WDR70: variants seen among roughly 807,000 people sequenced by gnomAD.
The protein encoded by WDR70 is WD repeat domain 70.
A neutral mutation model predicts 88.6 loss-of-function variants in WDR70; 53 were observed. The observed-to-expected ratio is 0.60, with a 90% CI of 0.48 to 0.75. WDR70 has a LOEUF of 0.75. Among genes scored for constraint, WDR70 ranks in the 30% least tolerant of loss-of-function variants. WDR70 has a pLI of 0.00. For synonymous variants in WDR70, 280 were observed against 270.0 expected (o/e 1.04, Z -0.36); for missense variants, 610 against 823.2 (o/e 0.74, Z 3.17).
At chr5:37,417,044 T>C (rs539628677) in intron 5 of WDR70, among the ~76,000 whole-genome samples, 10 of 137,748 alleles carry the variant, frequency 7.3e-5, no homozygotes, top group African/African-American at 2.7e-4. Flanking sequence ...TTTATTTTGC[T>C]CAACAAATAT....
intron 9 of WDR70, among the ~76,000 whole-genome samples, chr5:37,528,167 G>C (rs562843913): frequency 2.0e-5 from 3 of 152,152 alleles, no homozygotes; most frequent in Non-Finnish European, 4.4e-5. Flanking sequence ...CTGCTGTAAA[G>C]ACACATGCAC....
chr5:37,548,862 G>A (rs540798449), intron 9 of WDR70, among the ~76,000 whole-genome samples: 1 of 152,264 alleles, frequency 6.6e-6, no homozygotes, highest in African/African-American at 2.4e-5. Context: ...TCTGCATATG[G>A]ATATCCAGTT....
At chr5:37,506,254 G>A (rs1581346360) in intron 8 of WDR70, 5 of 929,492 alleles carry the variant, frequency 5.4e-6, no homozygotes, top group Middle Eastern at 3.2e-4. Context: ...AATTCCTTTC[G>A]AGATATTGGT....
At chr5:37,432,448 G>A (rs1038692378) in intron 5 of WDR70, among the ~76,000 whole-genome samples, 4 of 152,200 alleles carry the variant, frequency 2.6e-5, no homozygotes, top group Non-Finnish European at 5.9e-5. Flanking sequence ...GAGTGCAGTG[G>A]CGTGATCTCG....
intron 10 of WDR70, among the ~76,000 whole-genome samples, chr5:37,610,317 G>GT (rs934779845): frequency 1.3e-5 from 2 of 149,666 alleles, no homozygotes; most frequent in Non-Finnish European, 3.0e-5. Context: ...TTTGAAGCTT[G>GT]TTTTTTTAAT....
chr5:37,463,186 T>C (rs1276808408), intron 7 of WDR70, among the ~76,000 whole-genome samples: 1 of 151,944 alleles, frequency 6.6e-6, no homozygotes, highest in Non-Finnish European at 1.5e-5. Context: ...GCAGGAGAAT[T>C]GCTGGAACCC....
intron 7 of WDR70, among the ~76,000 whole-genome samples, chr5:37,466,199 T>C (rs1302909022): frequency 3.9e-5 from 6 of 152,230 alleles, no homozygotes; most frequent in Non-Finnish European, 8.8e-5. Context: ...TATTATCCAA[T>C]GGACTTTTAT....
At chr5:37,599,710 G>A (rs1473419102) in intron 9 of WDR70, among the ~76,000 whole-genome samples, 1 of 152,014 alleles carries the variant, frequency 6.6e-6, no homozygotes, top group Non-Finnish European at 1.5e-5. Context: ...TGGCCAGCAT[G>A]GCAAAACCCC....
intron 17 of WDR70, among the ~76,000 whole-genome samples, chr5:37,742,089 G>A (rs1404447921): frequency 5.3e-5 from 8 of 152,042 alleles, no homozygotes. Context: ...TTTCAGTTTT[G>A]GAGGGTATAT....
chr5:37,610,803 A>G (rs1744170967), intron 10 of WDR70, among the ~76,000 whole-genome samples: 1 of 152,204 alleles, frequency 6.6e-6, no homozygotes, highest in Non-Finnish European at 1.5e-5. Flanking sequence ...TGAAAGGTGC[A>G]CAGTTTGGAT....
chr5:37,648,026 A>G (rs990293567), intron 10 of WDR70, among the ~76,000 whole-genome samples: 5 of 152,210 alleles, frequency 3.3e-5, no homozygotes, highest in African/African-American at 7.2e-5. Flanking sequence ...CTTGGGGATT[A>G]CAATTTGAGA....
At chr5:37,561,539 A>G (rs1225771135) in intron 9 of WDR70, among the ~76,000 whole-genome samples, 1 of 152,236 alleles carries the variant, frequency 6.6e-6, no homozygotes, top group East Asian at 1.9e-4. Context: ...AAATGGAGTG[A>G]TAGTTCTCTA....
chr5:37,379,544 C>T lies in WDR70; in HGVS notation c.81C>T (p.Phe27=). ...PDPQLAVTMG[F]TGFGKKARTF... is the part of the protein sequence containing the mutation. The stretch of plus-strand genomic sequence containing the variant: ...CGCAGCTTGCGGTCACCATGGGCTT[C>T]ACGGGGTTCGGTGAGTGACTGCCCC... Residue 27 remains phenylalanine, a synonymous_variant, in exon 2 of 18, where the codon TTC becomes TTT. Transcript: ENST00000265107. The T allele has an allele frequency of 1.2e-6, 2 of 1,613,974 alleles. No homozygotes were observed. The highest frequency in any genetic ancestry group is 1.7e-6 in the Non-Finnish European group (2 of 1,179,876).
chr5:37,447,084 C>T (rs1467874336), intron 7 of WDR70, among the ~76,000 whole-genome samples: 1 of 152,062 alleles, frequency 6.6e-6, no homozygotes. Flanking sequence ...GAACTCTTAA[C>T]AAATTTACAA....
chr5:37,381,611 C>T lies in WDR70; in HGVS notation c.101C>T (p.Ala34Val), dbSNP rs777088441. 1.2e-6 allele frequency: 2 copies of T among 1,610,804 alleles called. No homozygotes were observed. Among genetic ancestry groups the T allele is most frequent in the Non-Finnish European group, 1.7e-6 (2 of 1,177,692 alleles). Reference protein sequence around the residue: ...TMGFTGFGKKARTFDLEAMFE... With the variant: ...TMGFTGFGKKVRTFDLEAMFE... ...TTTGTTCATGTTTTAGGTAAAAAAG[C>T]TCGCACATTTGACTTGGAAGCAATG... Residue 34 changes from alanine to valine, a missense_variant, in exon 3 of 18, where the codon GCT becomes GTT. Physicochemically the swap from Ala to Val is moderately conservative, Grantham distance 64 (BLOSUM62 0). Transcript: ENST00000265107.
chr5:37,414,797 T>C (rs1358831350), intron 5 of WDR70, among the ~76,000 whole-genome samples: 1 of 151,338 alleles, frequency 6.6e-6, no homozygotes, highest in Non-Finnish European at 1.5e-5. Context: ...TTTTTTTTTA[T>C]TTTTATTGAT....
intron 5 of WDR70, among the ~76,000 whole-genome samples, chr5:37,404,774 CTTTATTA>C (rs1191964602): frequency 6.6e-6 from 1 of 151,978 alleles, no homozygotes; most frequent in Non-Finnish European, 1.5e-5. Flanking sequence ...ATTATTGAAA[CTTTATTA>C]TTTAGTATCA....
intron 10 of WDR70, among the ~76,000 whole-genome samples, chr5:37,624,413 A>G (rs1231384465): frequency 6.6e-6 from 1 of 152,190 alleles, no homozygotes; most frequent in African/African-American, 2.4e-5. Flanking sequence ...TAGTGCATAT[A>G]TATATCACAT....
chr5:37,499,832 C>T (rs1015482110), intron 8 of WDR70, among the ~76,000 whole-genome samples: 4 of 152,076 alleles, frequency 2.6e-5, no homozygotes, highest in African/African-American at 7.2e-5. Flanking sequence ...GGATTACAGG[C>T]GTGAGTCAGT....
Sources: gnomAD v4.1 joint callset for allele counts (sites outside exome capture counted in the v4.1 genomes callset) on GRCh38, gnomAD v4.1.1 for gene constraint, MANE v1.5 for transcripts, NCBI Gene and HGNC (gene_info 2026-07-23, HGNC 2026-07-21) for gene names.